The following ADARB2 variants were observed in gnomAD, a reference collection of about 807,000 sequenced individuals.
ADARB2 encodes the protein adenosine deaminase RNA specific B2 (inactive), also known as inactive double-stranded RNA-specific editase B2.
In ADARB2, 25 loss-of-function variants were observed where a neutral mutation model predicts 62.2. The ratio of observed to expected loss-of-function variants is 0.40; its 90% confidence interval spans 0.29 to 0.56. The LOEUF is 0.56. ADARB2 is among the 20% of genes least tolerant of loss of function. The pLI, the probability that ADARB2 is intolerant of heterozygous loss-of-function variation, is 0.43. For synonymous variants in ADARB2, 572 were observed against 500.8 expected (o/e 1.14, Z -1.90); for missense variants, 1,071 against 1,077.4 (o/e 0.99, Z 0.08).
At chr10:1,402,879 A>G (rs1189634722) in intron 1 of ADARB2, among the ~76,000 whole-genome samples, 1 of 152,270 alleles carries the variant, frequency 6.6e-6, no homozygotes, top group Non-Finnish European at 1.5e-5. Flanking sequence ...AGATGGCGCC[A>G]GCAGAGCATG....
chr10:1,411,879 A>G (rs965488053), intron 1 of ADARB2, among the ~76,000 whole-genome samples: 1 of 152,226 alleles, frequency 6.6e-6, no homozygotes, highest in Admixed American at 6.5e-5. Context: ...CAAAATTTGA[A>G]AGACATTGCT....
intron 1 of ADARB2, among the ~76,000 whole-genome samples, chr10:1,404,284 G>A (rs987640774): frequency 1.3e-5 from 2 of 152,226 alleles, no homozygotes; most frequent in African/African-American, 4.8e-5. Flanking sequence ...AACGGCTCAC[G>A]GGGGACCTCG....
At chr10:1,560,862 G>A (rs1225037294) in intron 1 of ADARB2, among the ~76,000 whole-genome samples, 1 of 152,168 alleles carries the variant, frequency 6.6e-6, no homozygotes, top group Non-Finnish European at 1.5e-5. Context: ...CTTTGAATAA[G>A]GTACACAGAG....
chr10:1,199,940 A>T, intron 8 of ADARB2, 26 bp downstream of exon 8: 3 of 1,490,242 alleles, frequency 2.0e-6, no homozygotes, highest in South Asian at 2.7e-5. Flanking sequence ...AAGGAGGTGG[A>T]GGGCCCCCGG....
intron 3 of ADARB2, chr10:1,291,176 A>C (rs1831462687): frequency 6.6e-6 from 1 of 152,262 alleles, no homozygotes; most frequent in Admixed American, 6.5e-5. Context: ...GTGAGCATCT[A>C]AGGAACGCCA....
intron 3 of ADARB2, among the ~76,000 whole-genome samples, chr10:1,353,542 AGCCACC>A (rs1832164938): frequency 6.6e-6 from 1 of 152,082 alleles, no homozygotes. Context: ...CACATCAGCA[AGCCACC>A]GCCCTCCTCC....
intron 1 of ADARB2, among the ~76,000 whole-genome samples, chr10:1,722,488 G>A (rs1366642189): frequency 6.6e-6 from 1 of 152,184 alleles, no homozygotes; most frequent in Non-Finnish European, 1.5e-5. Context: ...AACGCAGTAG[G>A]TCCTCATTGT....
intron 7 of ADARB2, among the ~76,000 whole-genome samples, chr10:1,209,254 CACTG>C (rs1293244404): frequency 1.3e-5 from 2 of 152,104 alleles, no homozygotes; most frequent in African/African-American, 4.8e-5. Context: ...GCTGCACTAT[CACTG>C]ACACCCACAC....
intron 3 of ADARB2, among the ~76,000 whole-genome samples, chr10:1,299,244 G>A (rs1317832622): frequency 4.6e-5 from 7 of 151,890 alleles, no homozygotes; most frequent in Admixed American, 1.3e-4. Flanking sequence ...AGCAGAGCCC[G>A]GAAGGCATCA....
At chr10:1,495,308 T>C (rs143376255) in intron 1 of ADARB2, among the ~76,000 whole-genome samples, 1 of 152,352 alleles carries the variant, frequency 6.6e-6, no homozygotes, top group Non-Finnish European at 1.5e-5. Context: ...GTATATCAAA[T>C]ACATGCAAGG....
chr10:1,196,195 C>G (rs889738244), intron 8 of ADARB2, among the ~76,000 whole-genome samples: 2 of 145,168 alleles, frequency 1.4e-5, no homozygotes, highest in Non-Finnish European at 3.0e-5. Context: ...ACTTTTTAAT[C>G]CTTCTTTTGC....
rs2676747 is a variant in ADARB2, at chr10:1,554,676, G to A, written c.101-175516C>T. Among the ~76,000 whole-genome samples, 843 of 152,224 alleles carry A rather than the reference G, an allele frequency of 5.5e-3. 8 individuals are homozygous for A. Among genetic ancestry groups the A allele is most frequent in the African/African-American group, 0.02 (812 of 41,528 alleles). On this transcript the variant is annotated intron_variant, in intron 1 of 9. Coordinates refer to ENST00000381312, the MANE Select transcript of ADARB2 (RefSeq NM_018702.4). ...CGATTTCAAGCAACATGTGTGTCCT[G>A]GGCCTGTTTTGCCTCTTATTTCTAG...
chr10:1,229,055 T>G (rs921297640), intron 6 of ADARB2, among the ~76,000 whole-genome samples: 13 of 152,152 alleles, frequency 8.5e-5, no homozygotes, highest in African/African-American at 2.9e-4. Context: ...CCCTGATAGA[T>G]AAGCCAGAGC....
rs766926018 is a variant in ADARB2, at chr10:1,737,032, C to A, written c.100+19G>T. The A allele has an allele frequency of 1.9e-6, 3 of 1,608,030 alleles. No homozygotes were observed. In the South Asian group the frequency reaches 3.3e-5, roughly 18 times the overall value. On this transcript the variant is annotated intron_variant, in intron 1 of 9. Transcript: ENST00000381312. ...GGGGGTGAAGGGGGGCAGGGGCCGGCGCGCCACGCGGTCCTTACCTTTCCG... is the reference window on the plus strand; with the variant it reads ...GGGGGTGAAGGGGGGCAGGGGCCGGAGCGCCACGCGGTCCTTACCTTTCCG...
intron 3 of ADARB2, among the ~76,000 whole-genome samples, chr10:1,305,854 C>G (rs1244892967): frequency 4.6e-5 from 7 of 151,660 alleles, no homozygotes; most frequent in East Asian, 3.9e-4. Context: ...ATTCAACAAC[C>G]CTTCATGCTA....
At chr10:1,451,214 A>G (rs1393292876) in intron 1 of ADARB2, among the ~76,000 whole-genome samples, 1 of 152,264 alleles carries the variant, frequency 6.6e-6, no homozygotes, top group East Asian at 1.9e-4. Flanking sequence ...ATCACCTAGG[A>G]CACACTATGA....
intron 6 of ADARB2, among the ~76,000 whole-genome samples, chr10:1,224,130 G>A (rs567208181): frequency 1.1e-3 from 172 of 152,220 alleles, no homozygotes; most frequent in African/African-American, 3.9e-3. Context: ...CAGAGATTCA[G>A]CTTCTTCCTT....
chr10:1,588,707 A>G (rs1029471461), intron 1 of ADARB2, among the ~76,000 whole-genome samples: 1 of 152,170 alleles, frequency 6.6e-6, no homozygotes, highest in African/African-American at 2.4e-5. Context: ...AGACAGCCCG[A>G]CCCTGGATGG....
chr10:1,490,114 A>G (rs1227933395), intron 1 of ADARB2, among the ~76,000 whole-genome samples: 1 of 152,212 alleles, frequency 6.6e-6, no homozygotes, highest in Non-Finnish European at 1.5e-5. Flanking sequence ...CAGGAGGCCC[A>G]GGAGAAGAAG....
Sources: gnomAD v4.1 joint callset for allele counts (sites outside exome capture counted in the v4.1 genomes callset) on GRCh38, gnomAD v4.1.1 for gene constraint, MANE v1.5 for transcripts, NCBI Gene and HGNC (gene_info 2026-07-23, HGNC 2026-07-21) for gene names.